PDE10A: variants seen among roughly 807,000 people sequenced by gnomAD.
PDE10A encodes cAMP and cAMP-inhibited cGMP 3',5'-cyclic phosphodiesterase 10A.
Under a neutral mutation model 97.7 loss-of-function variants are expected in PDE10A, and 39 were observed. The observed-to-expected ratio is 0.40, with a 90% CI of 0.31 to 0.52. PDE10A has a LOEUF of 0.52. Among genes scored for constraint, PDE10A ranks in the 20% least tolerant of loss-of-function variants. PDE10A has a pLI of 0.56. For synonymous variants in PDE10A, 371 were observed against 376.8 expected (o/e 0.98, Z 0.18); for missense variants, 731 against 1,047.8 (o/e 0.70, Z 4.17).
upstream of PDE10A, among the ~76,000 whole-genome samples, chr6:165,664,987 T>C (rs1790461810): frequency 6.6e-6 from 1 of 152,234 alleles, no homozygotes; most frequent in African/African-American, 2.4e-5. Flanking sequence ...GGAGCCCTTA[T>C]TAAATCAGGA....
chr6:165,930,672 T>G (rs1376839011), intron 1 of PDE10A, among the ~76,000 whole-genome samples: 1 of 152,236 alleles, frequency 6.6e-6, no homozygotes, highest in Non-Finnish European at 1.5e-5. Flanking sequence ...TGGCTGTGCA[T>G]GGAAGGAAGT....
chr6:165,742,996 C>T (rs1792763308), intron 1 of PDE10A, among the ~76,000 whole-genome samples: 1 of 152,188 alleles, frequency 6.6e-6, no homozygotes, highest in Non-Finnish European at 1.5e-5. Flanking sequence ...GCACTGGCGC[C>T]TGCAGATTGT....
chr6:165,370,672 A>C (rs1784172586), intron 18 of PDE10A, among the ~76,000 whole-genome samples: 1 of 147,836 alleles, frequency 6.8e-6, no homozygotes, highest in Non-Finnish European at 1.5e-5. Context: ...CAGATCAACG[A>C]GACAGAAAGT....
At chr6:165,488,514 A>C (rs980111526) in intron 2 of PDE10A, among the ~76,000 whole-genome samples, 14 of 152,200 alleles carry the variant, frequency 9.2e-5, no homozygotes, top group Non-Finnish European at 1.8e-4. Flanking sequence ...CGGTGGACAG[A>C]GCAGCCTGTG....
intron 1 of PDE10A, among the ~76,000 whole-genome samples, chr6:165,843,977 G>A (rs2128473670): frequency 6.6e-6 from 1 of 152,268 alleles, no homozygotes; most frequent in Non-Finnish European, 1.5e-5. Context: ...TAGCAGACAG[G>A]CCTCCAGAGC....
At chr6:165,868,052 T>C (rs181309823) in intron 1 of PDE10A, among the ~76,000 whole-genome samples, 1 of 152,092 alleles carries the variant, frequency 6.6e-6, no homozygotes, top group Admixed American at 6.5e-5. Flanking sequence ...TTTACAGCAA[T>C]AAATGCTTAC....
chr6:165,692,523 C>T (rs1164553651), intron 1 of PDE10A, among the ~76,000 whole-genome samples: 2 of 152,142 alleles, frequency 1.3e-5, no homozygotes, highest in Non-Finnish European at 1.5e-5. Flanking sequence ...CACATTGGGC[C>T]CATTTTACTC....
intron 1 of PDE10A, among the ~76,000 whole-genome samples, chr6:165,683,039 T>C (rs1358968082): frequency 6.6e-6 from 1 of 152,220 alleles, no homozygotes; most frequent in Non-Finnish European, 1.5e-5. Flanking sequence ...CAGGCCTGCA[T>C]AGACGGTTGC....
intron 15 of PDE10A, among the ~76,000 whole-genome samples, chr6:165,393,696 C>T (rs1253470363): frequency 6.6e-6 from 1 of 151,990 alleles, no homozygotes; most frequent in African/African-American, 2.4e-5. Context: ...CACTAATTTA[C>T]AAAAAGTCAC....
Position 165,662,007 on chromosome 6 carries a change from C to T in PDE10A, c.805G>A (p.Asp269Asn). ...CAGCTCGCATTATTAGAAGGTCCAT[C>T]TTCCATGTCGGAGCCGAAGAGCAGC... ...AALLFGSDME[D>N]GPSNNASCFR... Residue 269 changes from aspartate (D) to asparagine (N), a missense_variant, in exon 1 of 22, where the codon GAT (aspartate) becomes AAT (asparagine). This residue lies in a region of PDE10A where 181 missense variants were observed against 159.1 expected (regional missense o/e 1.14). Coordinates refer to ENST00000539869, the MANE Select transcript of PDE10A (RefSeq NM_001385079.1). The T allele has an allele frequency of 6.7e-7, 1 of 1,489,752 alleles. No individual in the cohort carries two copies. Among genetic ancestry groups the T allele is most frequent in the African/African-American group, 1.4e-5 (1 of 70,056 alleles). 92.3% of individuals were successfully genotyped at this position (1,489,752 alleles called of 1,614,324 possible).
chr6:165,786,355 G>C (rs1389402811), intron 1 of PDE10A, among the ~76,000 whole-genome samples: 1 of 152,208 alleles, frequency 6.6e-6, no homozygotes, highest in Admixed American at 6.5e-5. Flanking sequence ...TGTATGAAAA[G>C]AGTAATTAGC....
At chr6:165,629,623 T>C (rs1173707102) in intron 1 of PDE10A, among the ~76,000 whole-genome samples, 1 of 150,748 alleles carries the variant, frequency 6.6e-6, no homozygotes, top group Non-Finnish European at 1.5e-5. Flanking sequence ...AACCTCCACC[T>C]GCCAGGCTCA....
intron 1 of PDE10A, among the ~76,000 whole-genome samples, chr6:165,908,180 C>T (rs1041133203): frequency 1.9e-4 from 29 of 152,306 alleles, no homozygotes; most frequent in Middle Eastern, 3.4e-3. Context: ...GAAGCAAGGA[C>T]AATGGAAATG....
intron 2 of PDE10A, among the ~76,000 whole-genome samples, chr6:165,503,828 G>T (rs535258066): frequency 6.6e-6 from 1 of 152,148 alleles, no homozygotes; most frequent in Non-Finnish European, 1.5e-5. Context: ...AAAAAAATAA[G>T]TAACTGAAAG....
intron 5 of PDE10A, among the ~76,000 whole-genome samples, chr6:165,442,692 G>A (rs1790559862): frequency 6.6e-6 from 1 of 152,068 alleles, no homozygotes; most frequent in Non-Finnish European, 1.5e-5. Flanking sequence ...AGATTTTGGT[G>A]GGGCAACAGA....
intron 1 of PDE10A, among the ~76,000 whole-genome samples, chr6:165,783,603 G>GAAAA (rs1291544805): frequency 1.3e-5 from 2 of 152,180 alleles, no homozygotes; most frequent in African/African-American, 4.8e-5. Context: ...CACATAGAAT[G>GAAAA]AAAACATCAA....
At chr6:165,902,463 G>C (rs1402167014) in intron 1 of PDE10A, among the ~76,000 whole-genome samples, 1 of 152,160 alleles carries the variant, frequency 6.6e-6, no homozygotes, top group African/African-American at 2.4e-5. Flanking sequence ...ACATGCATAG[G>C]TGGTGCACCC....
chr6:165,873,416 C>A (rs149910961), intron 1 of PDE10A, among the ~76,000 whole-genome samples: 1 of 152,318 alleles, frequency 6.6e-6, no homozygotes, highest in Admixed American at 6.5e-5. Flanking sequence ...GAAGGTCCAT[C>A]AGCCTCTCTC....
intron 1 of PDE10A, among the ~76,000 whole-genome samples, chr6:165,555,375 A>G (rs1247864297): frequency 6.6e-6 from 1 of 152,162 alleles, no homozygotes; most frequent in African/African-American, 2.4e-5. Context: ...CTGTCCCCAT[A>G]AACAAAAGAT....
Sources: gnomAD v4.1 joint callset for allele counts (sites outside exome capture counted in the v4.1 genomes callset) on GRCh38, gnomAD v4.1.1 for gene constraint, gnomAD v4.1.1 regional missense constraint, MANE v1.5 for transcripts, NCBI Gene and HGNC (gene_info 2026-07-23, HGNC 2026-07-21) for gene names.